DYNLT5: variants seen among roughly 807,000 people sequenced by gnomAD.
DYNLT5 encodes the protein dynein light chain Tctex-type 5.
DYNLT5 carries 25 observed loss-of-function variants against 19.3 expected under a neutral mutation model. The observed-to-expected ratio is 1.30, with a 90% CI of 0.95 to 1.81. DYNLT5 has a LOEUF of 1.81. Ranked by LOEUF, DYNLT5 falls within the 40% of genes most tolerant of loss-of-function variation. The probability of loss-of-function intolerance (pLI) is 0.00; values close to 1 mark genes in which losing one functional copy is unlikely to be tolerated. For synonymous variants in DYNLT5, 82 were observed against 68.9 expected (o/e 1.19, Z -0.94); for missense variants, 232 against 217.9 (o/e 1.06, Z -0.41).
chr1:66,758,592 A>C (rs1017950257), intron 2 of DYNLT5, among the ~76,000 whole-genome samples: 1 of 152,170 alleles, frequency 6.6e-6, no homozygotes, highest in Non-Finnish European at 1.5e-5. Flanking sequence ...CACTATATGT[A>C]TTTCTTCATT....
At chr1:66,768,340 T>A (rs887312134) in intron 2 of DYNLT5, among the ~76,000 whole-genome samples, 2 of 152,254 alleles carry the variant, frequency 1.3e-5, no homozygotes, top group African/African-American at 4.8e-5. Flanking sequence ...TAATTTTTTG[T>A]AATTTTACTT....
intron 1 of DYNLT5, among the ~76,000 whole-genome samples, chr1:66,753,864 C>G (rs1185746244): frequency 1.3e-5 from 2 of 152,022 alleles, no homozygotes; most frequent in Non-Finnish European, 2.9e-5. Context: ...GTGGGTGGAC[C>G]GCTTGAGCCC....
chr1:66,762,231 T>C (rs532840751), intron 2 of DYNLT5, among the ~76,000 whole-genome samples: 136 of 152,348 alleles, frequency 8.9e-4, no homozygotes, highest in African/African-American at 3.1e-3. Context: ...TTTCCATAAA[T>C]ATAATGTATA....
intron 4 of DYNLT5, among the ~76,000 whole-genome samples, chr1:66,776,925 C>T (rs1343563317): frequency 3.9e-5 from 6 of 152,140 alleles, no homozygotes; most frequent in Non-Finnish European, 7.4e-5. Context: ...AGTGTAACTC[C>T]AATGCCAACA....
At chr1:66,756,824 G>A (rs502376) in intron 2 of DYNLT5, among the ~76,000 whole-genome samples, 137,870 of 152,192 alleles carry the variant, frequency 0.91, 62,712 homozygotes, top group African/African-American at 0.94. Context: ...GCTATACTCA[G>A]TTATTCCTCA....
rs1388048279 is a variant in DYNLT5, at chr1:66,766,879, C to CCTCT, written c.120-3508_120-3507insCTCT. Among the ~76,000 whole-genome samples the CCTCT allele has an allele frequency of 4.6e-5, 7 of 152,296 alleles. No homozygotes were observed. In the East Asian group the frequency reaches 1.3e-3, roughly 29 times the overall value. Reference sequence around the variant, plus strand: ...CAATAGACTAATTATTTTACCTCTGCATGATAAGAATTTCCAGGCTTCACA... The same window carrying CCTCT: ...CAATAGACTAATTATTTTACCTCTGCCTCTATGATAAGAATTTCCAGGCTTCACA... On this transcript the variant is annotated intron_variant, in intron 2 of 4. Coordinates refer to ENST00000282670, the MANE Select transcript of DYNLT5 (RefSeq NM_152665.3).
chr1:66,770,450 A>T lies in DYNLT5; in HGVS notation c.183A>T (p.Thr61=). The T allele has an allele frequency of 6.2e-7, 1 of 1,613,480 alleles. No homozygotes were observed. Among genetic ancestry groups the T allele is most frequent in the South Asian group, 1.1e-5 (1 of 91,062 alleles). ...AGCGTGATGATATCTCTCGCCTTACAGTTCAGATGGAAAACACCTATCAGT... is the reference window on the plus strand; with the variant it reads ...AGCGTGATGATATCTCTCGCCTTACTGTTCAGATGGAAAACACCTATCAGT... ...PSQRDDISRL[T]VQMENTYQLG... is the part of the protein sequence containing the mutation. The change falls in exon 3 of 5, where the codon ACA becomes ACT. Residue 61 remains threonine, a synonymous_variant. Transcript: ENST00000282670.
chr1:66,777,114 C>T (rs980124919), intron 4 of DYNLT5, 137 bp from the exon 5 acceptor site: 23 of 726,364 alleles, frequency 3.2e-5, no homozygotes, highest in African/African-American at 5.3e-5. Context: ...ATCATACTTA[C>T]GGTTCTAAAA....
intron 2 of DYNLT5, among the ~76,000 whole-genome samples, chr1:66,763,612 C>T (rs1167875274): frequency 1.3e-5 from 2 of 152,242 alleles, no homozygotes; most frequent in African/African-American, 4.8e-5. Context: ...CTTGCTGCTT[C>T]ACCTTGCACT....
At chr1:66,752,770 G>A (rs935097369) in intron 1 of DYNLT5, among the ~76,000 whole-genome samples, 186 bp downstream of exon 1, 4 of 152,176 alleles carry the variant, frequency 2.6e-5, no homozygotes, top group Admixed American at 6.5e-5. Flanking sequence ...CCAACGGTTC[G>A]TCCCCTGCCC....
chr1:66,756,058 G>A (rs574146121), intron 2 of DYNLT5, among the ~76,000 whole-genome samples: 1 of 152,220 alleles, frequency 6.6e-6, no homozygotes, highest in South Asian at 2.1e-4. Context: ...GAATCAGAGT[G>A]TGGCTACATT....
chr1:66,770,119 C>T (rs1007109716), intron 2 of DYNLT5, among the ~76,000 whole-genome samples: 4 of 152,148 alleles, frequency 2.6e-5, no homozygotes, highest in Admixed American at 6.5e-5. Context: ...AACCCAGGAT[C>T]GCTTTCTGGA....
At chr1:66,763,675 T>G (rs1380671705) in intron 2 of DYNLT5, among the ~76,000 whole-genome samples, 1 of 152,220 alleles carries the variant, frequency 6.6e-6, no homozygotes, top group Non-Finnish European at 1.5e-5. Context: ...AAACCTCTGC[T>G]AGTTTCAAAC....
chr1:66,767,239 G>A (rs771736975), intron 2 of DYNLT5, among the ~76,000 whole-genome samples: 2 of 151,892 alleles, frequency 1.3e-5, no homozygotes, highest in Non-Finnish European at 2.9e-5. Flanking sequence ...AAGTTTTATG[G>A]GTTTTTACTG....
intron 1 of DYNLT5, among the ~76,000 whole-genome samples, chr1:66,753,648 A>C: frequency 6.6e-6 from 1 of 152,116 alleles, no homozygotes; most frequent in Non-Finnish European, 1.5e-5. Context: ...CCCTAATTTT[A>C]TTTTTTAAAG....
chr1:66,754,428 G>A (rs2094632455), intron 1 of DYNLT5, among the ~76,000 whole-genome samples: 1 of 152,184 alleles, frequency 6.6e-6, no homozygotes, highest in Non-Finnish European at 1.5e-5. Flanking sequence ...ATCTGCTTAT[G>A]TAAATAATTA....
rs1350236545 is a variant in DYNLT5 at position 66,777,754 on chromosome 1, TAG to T, written c.*303_*304del. 4.7e-6 allele frequency: 1 copy of T among 214,372 alleles called. No individual in the cohort carries two copies. Among genetic ancestry groups the T allele is most frequent in the Non-Finnish European group, 9.4e-6 (1 of 106,904 alleles). 13.3% of individuals were successfully genotyped at this position (214,372 alleles called of 1,614,324 possible). On this transcript the variant is annotated 3_prime_UTR_variant, in exon 5 of 5. Transcript: ENST00000282670. ...CTAATTATTTTAATTATTCTTTAATTAGAGTGTTACAATTTCCTGCATTGTTT... is the reference window on the plus strand; with the variant it reads ...CTAATTATTTTAATTATTCTTTAATTAGTGTTACAATTTCCTGCATTGTTT...
intron 2 of DYNLT5, among the ~76,000 whole-genome samples, chr1:66,757,839 C>A (rs1033917694): frequency 1.3e-5 from 2 of 152,106 alleles, no homozygotes; most frequent in Non-Finnish European, 1.5e-5. Flanking sequence ...ACAAGAAATT[C>A]AAATCTCTAT....
intron 1 of DYNLT5, 90 bp from the exon 2 acceptor site, chr1:66,754,566 A>C: frequency 1.5e-6 from 2 of 1,348,948 alleles, no homozygotes; most frequent in Non-Finnish European, 9.7e-7. Context: ...TAGGAAAACT[A>C]TCTGTGTACT....
Sources: gnomAD v4.1 joint callset for allele counts (sites outside exome capture counted in the v4.1 genomes callset) on GRCh38, gnomAD v4.1.1 for gene constraint, MANE v1.5 for transcripts, NCBI Gene and HGNC (gene_info 2026-07-23, HGNC 2026-07-21) for gene names.